The following RCAN2 variants were observed in gnomAD, a reference collection of about 807,000 sequenced individuals.
RCAN2 encodes calcipressin-2.
In RCAN2, 9 loss-of-function variants were observed where a neutral mutation model predicts 23.6. That is an observed-to-expected ratio of 0.38 (90% CI 0.23 to 0.67). RCAN2 has a LOEUF of 0.67. Among genes scored for constraint, RCAN2 ranks in the 30% least tolerant of loss-of-function variants. The probability of loss-of-function intolerance (pLI) is 0.51; values close to 1 mark genes in which losing one functional copy is unlikely to be tolerated. For missense variants in RCAN2, 273 were observed against 302.3 expected, an observed-to-expected ratio of 0.90 and a Z score of 0.72; for synonymous variants, 109 against 115.7, an observed-to-expected ratio of 0.94 and a Z score of 0.37.
intron 2 of RCAN2, among the ~76,000 whole-genome samples, chr6:46,270,072 C>A (rs1403577338): frequency 6.6e-6 from 1 of 152,126 alleles, no homozygotes; most frequent in African/African-American, 2.4e-5. Context: ...GCTTGAGGAT[C>A]TGGGCTGCTC....
chr6:46,384,496 A>G (rs554497760), intron 2 of RCAN2, among the ~76,000 whole-genome samples: 31 of 152,362 alleles, frequency 2.0e-4, no homozygotes, highest in Middle Eastern at 3.4e-3. Context: ...ATTAGAGAGG[A>G]CATTCCTATT....
At chr6:46,488,821 C>A (rs966159804) in intron 1 of RCAN2, among the ~76,000 whole-genome samples, 3 of 152,118 alleles carry the variant, frequency 2.0e-5, no homozygotes, top group Non-Finnish European at 4.4e-5. Context: ...CTGTATAGAT[C>A]TCTTCTCTTT....
chr6:46,406,019 C>T (rs569864510), intron 2 of RCAN2, among the ~76,000 whole-genome samples: 1 of 152,354 alleles, frequency 6.6e-6, no homozygotes, highest in African/African-American at 2.4e-5. Flanking sequence ...GTGCTAAGTC[C>T]CTCACTGCCC....
At chr6:46,386,088 A>G (rs942439591) in intron 2 of RCAN2, among the ~76,000 whole-genome samples, 3 of 152,136 alleles carry the variant, frequency 2.0e-5, no homozygotes, top group African/African-American at 7.2e-5. Context: ...CAGGCAACCT[A>G]GAGAACGGGA....
intron 2 of RCAN2, among the ~76,000 whole-genome samples, chr6:46,367,022 G>GATATCTATATAT (rs1765191230): frequency 1.7e-5 from 1 of 59,690 alleles, no homozygotes; most frequent in South Asian, 7.5e-4. Context: ...ATCTGGGATG[G>GATATCTATATAT]ATATATATAT....
intron 3 of RCAN2, 83 bp from the exon 4 acceptor site, chr6:46,247,002 T>C (rs915144195): frequency 2.5e-6 from 3 of 1,221,908 alleles, no homozygotes; most frequent in African/African-American, 3.1e-5. Context: ...ATGGGTTTAG[T>C]TTCAGCCTGC....
intron 4 of RCAN2, among the ~76,000 whole-genome samples, chr6:46,245,965 T>C (rs901629920): frequency 2.0e-5 from 3 of 152,144 alleles, no homozygotes; most frequent in Admixed American, 6.5e-5. Context: ...AAAAAATACT[T>C]TGGGGCGCAA....
chr6:46,369,353 T>G (rs1765264147), intron 2 of RCAN2, among the ~76,000 whole-genome samples: 1 of 152,222 alleles, frequency 6.6e-6, no homozygotes, highest in African/African-American at 2.4e-5. Context: ...TAAAGTATAC[T>G]ATAGTAAACT....
intron 2 of RCAN2, among the ~76,000 whole-genome samples, chr6:46,279,332 T>C (rs749570130): frequency 1.3e-5 from 2 of 152,190 alleles, no homozygotes; most frequent in African/African-American, 2.4e-5. Context: ...CTCCTTCTTT[T>C]GAGATACACT....
chr6:46,464,618 T>C (rs1768320301), intron 1 of RCAN2, among the ~76,000 whole-genome samples: 2 of 152,292 alleles, frequency 1.3e-5, no homozygotes, highest in South Asian at 2.1e-4. Flanking sequence ...AGAAACCCAT[T>C]AGAGCTCTTT....
At chr6:46,316,737 A>G (rs1160413602) in intron 2 of RCAN2, among the ~76,000 whole-genome samples, 3 of 152,212 alleles carry the variant, frequency 2.0e-5, no homozygotes, top group Non-Finnish European at 4.4e-5. Context: ...CATTGTTGCT[A>G]TTATTAAGTT....
At chr6:46,376,367 C>T (rs906734194) in intron 2 of RCAN2, among the ~76,000 whole-genome samples, 7 of 152,172 alleles carry the variant, frequency 4.6e-5, no homozygotes, top group Non-Finnish European at 7.4e-5. Flanking sequence ...AAAGTTGGGG[C>T]GAGCTGACCA....
intron 2 of RCAN2, among the ~76,000 whole-genome samples, chr6:46,312,971 C>A (rs1763311649): frequency 6.6e-6 from 1 of 152,200 alleles, no homozygotes; most frequent in Non-Finnish European, 1.5e-5. Context: ...ATGACCCAAT[C>A]CTGTTAGACT....
chr6:46,287,794 C>T (rs1295677438), intron 2 of RCAN2, among the ~76,000 whole-genome samples: 4 of 152,198 alleles, frequency 2.6e-5, no homozygotes, highest in Admixed American at 6.5e-5. Flanking sequence ...GTATGGGATT[C>T]CTGGAAGAGG....
intron 2 of RCAN2, among the ~76,000 whole-genome samples, chr6:46,360,665 GCT>G (rs1278208809): frequency 1.3e-5 from 2 of 151,994 alleles, no homozygotes; most frequent in Non-Finnish European, 2.9e-5. Context: ...GACAGCAGAG[GCT>G]GGACTTATAA....
At chr6:46,357,683 C>T (rs1201812145) in intron 2 of RCAN2, among the ~76,000 whole-genome samples, 2 of 152,156 alleles carry the variant, frequency 1.3e-5, no homozygotes, top group African/African-American at 4.8e-5. Flanking sequence ...AGAAGCTCAG[C>T]AGGGTTGACA....
chr6:46,389,524 GC>G (rs1765867202), intron 2 of RCAN2, among the ~76,000 whole-genome samples: 1 of 152,176 alleles, frequency 6.6e-6, no homozygotes, highest in South Asian at 2.1e-4. Flanking sequence ...CTCCGCACTT[GC>G]CTATCAGCTC....
chr6:46,256,370 A>G (rs1766915707), intron 2 of RCAN2, among the ~76,000 whole-genome samples: 2 of 144,336 alleles, frequency 1.4e-5, no homozygotes, highest in South Asian at 4.5e-4. Context: ...ATTCTGTCTC[A>G]AAAAAGAAAA....
chr6:46,378,951 C>T (rs1469441969), intron 2 of RCAN2, among the ~76,000 whole-genome samples: 1 of 152,146 alleles, frequency 6.6e-6, no homozygotes, highest in African/African-American at 2.4e-5. Context: ...ACCTAACATG[C>T]ACATTGAATC....
Sources: allele counts gnomAD v4.1 joint callset (sites outside exome capture counted in the v4.1 genomes callset), GRCh38; gene constraint gnomAD v4.1.1; transcripts MANE v1.5; gene names NCBI Gene and HGNC (gene_info 2026-07-23, HGNC 2026-07-21).